Variants in ST18 observed in about 807,000 individuals in gnomAD.
ST18 encodes ST18 C2H2C-type zinc finger transcription factor.
A neutral mutation model predicts 110.0 loss-of-function variants in ST18; 50 were observed. The observed-to-expected ratio is 0.45, with a 90% CI of 0.36 to 0.58. The LOEUF (loss-of-function observed/expected upper bound fraction) is 0.58. Ranked by LOEUF, ST18 falls within the 20% of genes least tolerant of loss-of-function variation. The pLI, the probability that ST18 is intolerant of heterozygous loss-of-function variation, is 0.00. For synonymous variants in ST18, 461 were observed against 452.4 expected (o/e 1.02, Z -0.24); for missense variants, 1,306 against 1,280.1 (o/e 1.02, Z -0.31).
At chr8:52,388,809 C>G (rs1420208998) in intron 2 of ST18, among the ~76,000 whole-genome samples, 5 of 93,260 alleles carry the variant, frequency 5.4e-5, no homozygotes, top group African/African-American at 9.0e-5. Context: ...ACTCCGGGGA[C>G]TGTTGTGGGG....
At chr8:52,272,655 A>G (rs1374464964) in intron 2 of ST18, among the ~76,000 whole-genome samples, 1 of 152,234 alleles carries the variant, frequency 6.6e-6, no homozygotes, top group East Asian at 1.9e-4. Flanking sequence ...TATGGAAATC[A>G]GTGTGGTGGT....
chr8:52,308,554 T>A (rs181654278), intron 2 of ST18, among the ~76,000 whole-genome samples: 2 of 152,098 alleles, frequency 1.3e-5, no homozygotes, highest in African/African-American at 4.8e-5. Context: ...AGGAAAAAAA[T>A]GTTTGATGAT....
rs77664140 is a variant in ST18, at chr8:52,325,718, C to A, written c.-465+83610G>T. Among the ~76,000 whole-genome samples the A allele has an allele frequency of 6.8e-3, 1,031 of 152,160 alleles. 11 individuals carry two copies. Among genetic ancestry groups the A allele is most frequent in the African/African-American group, 0.024 (980 of 41,492 alleles). On this transcript the variant is annotated intron_variant, in intron 2 of 25. Transcript: ENST00000689386. ...AAAATTCTATGTTTTTAAAATTTCC[C>A]GATTTCCAGCTAGGAATTTTTGCCC...
intron 2 of ST18, among the ~76,000 whole-genome samples, chr8:52,308,618 T>C (rs535435498): frequency 7.2e-5 from 11 of 152,344 alleles, no homozygotes; most frequent in Middle Eastern, 3.4e-3. Context: ...TTGAATTTCA[T>C]TGAAGTACAT....
At chr8:52,228,198 T>A (rs913315560) in intron 3 of ST18, among the ~76,000 whole-genome samples, 4 of 152,198 alleles carry the variant, frequency 2.6e-5, no homozygotes, top group Non-Finnish European at 5.9e-5. Flanking sequence ...ATGGTTAGAT[T>A]TTTTCAAATG....
intron 2 of ST18, among the ~76,000 whole-genome samples, chr8:52,292,030 C>T (rs2095564233): frequency 6.6e-6 from 1 of 152,196 alleles, no homozygotes; most frequent in African/African-American, 2.4e-5. Context: ...CCACCTCAAC[C>T]TCCCAAAGTG....
intron 2 of ST18, among the ~76,000 whole-genome samples, chr8:52,244,111 G>A (rs17313558): frequency 0.12 from 17,608 of 152,188 alleles, 1,380 homozygotes; most frequent in Middle Eastern, 0.21. Flanking sequence ...CATTGGGTAT[G>A]GAACTTCACC....
chr8:52,378,480 G>A (rs1341931989), intron 2 of ST18, among the ~76,000 whole-genome samples: 5 of 152,176 alleles, frequency 3.3e-5, no homozygotes, highest in Admixed American at 1.3e-4. Context: ...GAACCCCAAA[G>A]TAAGATGCAT....
At chr8:52,357,681 A>C (rs1823476922) in intron 2 of ST18, among the ~76,000 whole-genome samples, 1 of 19,026 alleles carries the variant, frequency 5.3e-5, no homozygotes, top group African/African-American at 2.0e-4. Flanking sequence ...CTATAAATAT[A>C]TATATATATA....
intron 2 of ST18, among the ~76,000 whole-genome samples, chr8:52,352,778 C>T (rs150746965): frequency 1.7e-4 from 26 of 152,268 alleles, no homozygotes; most frequent in African/African-American, 4.8e-4. Context: ...CACGGGACTG[C>T]GCAAAACATT....
chr8:52,340,500 A>T (rs561729372), intron 2 of ST18, among the ~76,000 whole-genome samples: 1 of 152,366 alleles, frequency 6.6e-6, no homozygotes, highest in East Asian at 1.9e-4. Context: ...GAAGAGCCAC[A>T]TTTTAATGTT....
intron 19 of ST18, among the ~76,000 whole-genome samples, chr8:52,135,423 T>C (rs985095596): frequency 6.6e-6 from 1 of 151,742 alleles, no homozygotes. Flanking sequence ...CACTCAGGCA[T>C]GGTTGTGCAT....
chr8:52,290,632 T>C (rs1014782414), intron 2 of ST18, among the ~76,000 whole-genome samples: 1 of 152,260 alleles, frequency 6.6e-6, no homozygotes, highest in African/African-American at 2.4e-5. Context: ...AGTGTGTCTC[T>C]AGGACCAAGC....
chr8:52,232,282 C>T (rs923704887), intron 2 of ST18, among the ~76,000 whole-genome samples: 1 of 152,158 alleles, frequency 6.6e-6, no homozygotes, highest in African/African-American at 2.4e-5. Context: ...TGAAGCCATT[C>T]GTGTCAAGAA....
intron 2 of ST18, among the ~76,000 whole-genome samples, chr8:52,388,973 T>TAGA (rs1838159527): frequency 7.0e-6 from 1 of 142,694 alleles, no homozygotes; most frequent in South Asian, 2.2e-4. Flanking sequence ...AATAATAATT[T>TAGA]AAAAAAAAAA....
chr8:52,390,824 G>A (rs1163554678), intron 2 of ST18, among the ~76,000 whole-genome samples: 10 of 152,170 alleles, frequency 6.6e-5, no homozygotes, highest in Admixed American at 4.6e-4. Flanking sequence ...TGGCCCATCT[G>A]TCATAAACAT....
At chr8:52,277,196 G>C (rs1022824226) in intron 2 of ST18, among the ~76,000 whole-genome samples, 2 of 152,220 alleles carry the variant, frequency 1.3e-5, no homozygotes, top group African/African-American at 2.4e-5. Flanking sequence ...AAGCGCTCTG[G>C]ATGTGAGAAA....
intron 8 of ST18, among the ~76,000 whole-genome samples, chr8:52,197,972 C>T (rs940203809): frequency 3.3e-5 from 5 of 152,004 alleles, no homozygotes; most frequent in African/African-American, 1.2e-4. Flanking sequence ...TTTTAAGTTA[C>T]TAAGACAAAA....
intron 2 of ST18, among the ~76,000 whole-genome samples, chr8:52,342,611 C>T (rs560523441): frequency 3.5e-4 from 53 of 152,294 alleles, no homozygotes; most frequent in African/African-American, 1.2e-3. Flanking sequence ...TTTCAGCGTG[C>T]ACACAAACCT....
Sources: gnomAD v4.1 joint callset for allele counts (sites outside exome capture counted in the v4.1 genomes callset) on GRCh38, gnomAD v4.1.1 for gene constraint, MANE v1.5 for transcripts, NCBI Gene and HGNC (gene_info 2026-07-23, HGNC 2026-07-21) for gene names.